SHANK2: variants seen among roughly 807,000 people sequenced by gnomAD.
SHANK2 encodes the protein SH3 and multiple ankyrin repeat domains 2.
SHANK2 carries 43 observed loss-of-function variants against 133.7 expected under a neutral mutation model. The ratio of observed to expected loss-of-function variants is 0.32; its 90% CI spans 0.25 to 0.41. The LOEUF (loss-of-function observed/expected upper bound fraction) is 0.41, where lower values mean the gene tolerates loss of function less well. Ranked by LOEUF, SHANK2 falls within the 10% of genes least tolerant of loss-of-function variation. SHANK2 has a pLI of 1.00. For synonymous variants in SHANK2, 1,017 were observed against 952.8 expected, an observed-to-expected ratio of 1.07 and a Z score of -1.24; for missense variants, 1,994 against 2,235.8, an observed-to-expected ratio of 0.89 and a Z score of 2.18.
At chr11:70,737,340 A>T (rs1256853939) in intron 14 of SHANK2, among the ~76,000 whole-genome samples, 1 of 152,200 alleles carries the variant, frequency 6.6e-6, no homozygotes, top group African/African-American at 2.4e-5. Context: ...GTGAGGTGGC[A>T]GCCCCAACGG....
chr11:70,878,172 C>T (rs969483547), intron 11 of SHANK2, among the ~76,000 whole-genome samples: 3 of 152,198 alleles, frequency 2.0e-5, no homozygotes, highest in Non-Finnish European at 4.4e-5. Context: ...AAGGCTGCCC[C>T]ATCCACATCT....
At chr11:70,735,265 C>T (rs1190852810) in intron 14 of SHANK2, among the ~76,000 whole-genome samples, 2 of 152,198 alleles carry the variant, frequency 1.3e-5, no homozygotes, top group African/African-American at 4.8e-5. Flanking sequence ...AGCTGGGCAA[C>T]CAGGCAGGGT....
intron 1 of SHANK2, among the ~76,000 whole-genome samples, chr11:71,249,852 A>T (rs1481989168): frequency 2.6e-5 from 4 of 152,072 alleles, no homozygotes; most frequent in African/African-American, 9.7e-5. Context: ...CTCGTCACTA[A>T]TGAAATATAA....
chr11:70,482,093 A>G (rs1555151812), intron 25 of SHANK2, among the ~76,000 whole-genome samples: 1 of 152,246 alleles, frequency 6.6e-6, no homozygotes, highest in African/African-American at 2.4e-5. Flanking sequence ...TCCGAGAAGC[A>G]AGGGCGAGGG....
rs1314843406 is a variant in SHANK2 at position 70,900,758 on chromosome 11, C to T, written c.1108-4191G>A. 3.3e-5 allele frequency among the ~76,000 whole-genome samples: 5 copies of T among 152,186 alleles called. No individual in the cohort carries two copies. The East Asian group carries it at 9.6e-4, about 29-fold the overall frequency. On this transcript the variant is annotated intron_variant, in intron 10 of 25. Coordinates refer to ENST00000601538, the MANE Select transcript of SHANK2 (RefSeq NM_012309.5). The stretch of plus-strand genomic sequence containing the variant: ...CTCTTGGCAGAAAGCAGCCTCCTGC[C>T]TGTCCTCTGGCACTGCCCGCCCTAT...
At chr11:70,737,745 AC>A (rs2134776068) in intron 14 of SHANK2, among the ~76,000 whole-genome samples, 1 of 152,208 alleles carries the variant, frequency 6.6e-6, no homozygotes, top group East Asian at 1.9e-4. Context: ...CCTCCCACAG[AC>A]CCTTACATCG....
chr11:70,869,165 C>T (rs1355263709), intron 11 of SHANK2, among the ~76,000 whole-genome samples: 2 of 152,166 alleles, frequency 1.3e-5, no homozygotes, highest in Non-Finnish European at 2.9e-5. Flanking sequence ...AGAGAGGTCT[C>T]CGGAGGAACC....
At chr11:70,794,087 T>G (rs1555048597) in intron 14 of SHANK2, among the ~76,000 whole-genome samples, 1 of 151,862 alleles carries the variant, frequency 6.6e-6, no homozygotes, top group African/African-American at 2.4e-5. Flanking sequence ...TCAAAACCAG[T>G]CTGGCAAACA....
chr11:70,538,652 T>C (rs1284950121), intron 17 of SHANK2, among the ~76,000 whole-genome samples: 1 of 152,176 alleles, frequency 6.6e-6, no homozygotes. Flanking sequence ...GCTGTCACTC[T>C]TGCTCCGTCA....
intron 9 of SHANK2, among the ~76,000 whole-genome samples, chr11:71,073,884 A>G (rs1951183041): frequency 6.6e-6 from 1 of 152,056 alleles, no homozygotes; most frequent in South Asian, 2.1e-4. Context: ...GCCCCTCTCC[A>G]TGTTCCATAT....
At chr11:71,121,152 C>T (rs1555101410) in intron 3 of SHANK2, among the ~76,000 whole-genome samples, 1 of 152,202 alleles carries the variant, frequency 6.6e-6, no homozygotes, top group African/African-American at 2.4e-5. Flanking sequence ...CCCAGTGGGG[C>T]ACACCAACCT....
In SHANK2 at chr11:71,132,199, G is replaced by A. The variant is rs528176490; in HGVS notation, c.208-13167C>T. Among the ~76,000 whole-genome samples the A allele has an allele frequency of 1.2e-4, 18 of 152,324 alleles. No individual in the cohort carries two copies. In the East Asian group the frequency reaches 3.5e-3, roughly 29 times the overall value. Reference sequence around the variant, plus strand: ...GGGAAGGGTGGAGGCTGGCGGGGAGGCAGAGTCGGAGCCAGGCTGGAGGAA... The same window carrying A: ...GGGAAGGGTGGAGGCTGGCGGGGAGACAGAGTCGGAGCCAGGCTGGAGGAA... On this transcript the variant is annotated intron_variant, in intron 3 of 25. Transcript: ENST00000601538.
chr11:70,605,613 A>C (rs1554992111), intron 17 of SHANK2, among the ~76,000 whole-genome samples: 1 of 152,196 alleles, frequency 6.6e-6, no homozygotes, highest in Non-Finnish European at 1.5e-5. Flanking sequence ...TGAAGCTCAG[A>C]TGTATCAGGC....
chr11:70,543,290 T>C (rs1466890190), intron 17 of SHANK2, among the ~76,000 whole-genome samples: 1 of 152,184 alleles, frequency 6.6e-6, no homozygotes, highest in Non-Finnish European at 1.5e-5. Flanking sequence ...TGTCTTTGTA[T>C]GCTAGTGAGA....
intron 17 of SHANK2, among the ~76,000 whole-genome samples, chr11:70,605,624 G>T (rs375941722): frequency 1.3e-5 from 2 of 152,204 alleles, no homozygotes; most frequent in African/African-American, 4.8e-5. Context: ...TGTATCAGGC[G>T]CACGGGGAGC....
At chr11:70,490,479 C>T (rs2058871691) in intron 22 of SHANK2, 92 bp from the exon 23 acceptor site, 1 of 1,074,170 alleles carries the variant, frequency 9.3e-7, no homozygotes, top group South Asian at 1.3e-5. Context: ...ACTTCCGTCA[C>T]TGTGGCTTCC....
intron 17 of SHANK2, among the ~76,000 whole-genome samples, chr11:70,618,194 T>C (rs1431223103): frequency 1.3e-5 from 2 of 149,044 alleles, no homozygotes; most frequent in African/African-American, 5.0e-5. Flanking sequence ...CTCAGGAGGC[T>C]GAAGCAGGAG....
intron 17 of SHANK2, among the ~76,000 whole-genome samples, chr11:70,611,503 G>A (rs999945307): frequency 3.9e-5 from 6 of 152,222 alleles, no homozygotes; most frequent in South Asian, 2.1e-4. Context: ...CACGACCCAC[G>A]TCCTATCCTT....
At chr11:71,202,341 C>T (rs1340064395) in intron 2 of SHANK2, among the ~76,000 whole-genome samples, 2 of 152,226 alleles carry the variant, frequency 1.3e-5, no homozygotes, top group Non-Finnish European at 2.9e-5. Context: ...AGAGGGCACA[C>T]AACCAGCCAC....
Sources: gnomAD v4.1 joint callset for allele counts (sites outside exome capture counted in the v4.1 genomes callset) on GRCh38, gnomAD v4.1.1 for gene constraint, MANE v1.5 for transcripts, NCBI Gene and HGNC (gene_info 2026-07-23, HGNC 2026-07-21) for gene names.